MYO3A: variants seen among roughly 807,000 people sequenced by gnomAD.
The protein encoded by MYO3A is myosin-IIIa.
A neutral mutation model predicts 192.7 loss-of-function variants in MYO3A; 180 were observed. The ratio of observed to expected loss-of-function variants is 0.93; its 90% CI spans 0.83 to 1.06. The LOEUF is 1.06. Ranked by LOEUF, MYO3A falls within the 50% of genes least tolerant of loss-of-function variation. The probability of loss-of-function intolerance (pLI) is 0.00; values close to 1 mark genes in which losing one functional copy is unlikely to be tolerated. For missense variants in MYO3A, 1,896 were observed against 1,905.0 expected (o/e 1.00, Z 0.09); for synonymous variants, 628 against 645.3 (o/e 0.97, Z 0.41).
chr10:26,064,710 T>C (rs1209199943), intron 10 of MYO3A, among the ~76,000 whole-genome samples: 30 of 151,948 alleles, frequency 2.0e-4, no homozygotes, highest in Admixed American at 2.0e-3. Flanking sequence ...AATTTGATGA[T>C]AGAGCTGATG....
chr10:25,988,066 T>C (rs116210552), intron 4 of MYO3A, among the ~76,000 whole-genome samples: 1,801 of 152,278 alleles, frequency 0.012, 45 homozygotes, highest in African/African-American at 0.041. Context: ...CTGGATGGAA[T>C]TGGAGACCAT....
intron 4 of MYO3A, among the ~76,000 whole-genome samples, chr10:25,958,908 G>A (rs927197152): frequency 7.9e-5 from 12 of 151,878 alleles, no homozygotes; most frequent in African/African-American, 2.9e-4. Context: ...GTATTCCTAG[G>A]TATTTTATTC....
chr10:26,180,420 C>A lies in MYO3A; in HGVS notation c.4438+3575C>A, dbSNP rs1253949035. On this transcript the variant is annotated intron_variant, in intron 31 of 34. Coordinates refer to ENST00000642920, the MANE Select transcript of MYO3A (RefSeq NM_017433.5). ...ATCTACCTCATAATTAACTATAAAACACTGGAAGCAGTTGCATTAAAAAGG... is the reference window on the plus strand; with the variant it reads ...ATCTACCTCATAATTAACTATAAAAAACTGGAAGCAGTTGCATTAAAAAGG... 2.0e-5 allele frequency among the ~76,000 whole-genome samples: 3 copies of A among 152,062 alleles called. No individual in the cohort carries two copies. In the East Asian group the frequency reaches 5.8e-4, roughly 29 times the overall value.
chr10:25,973,624 A>G (rs1467990533), intron 4 of MYO3A, among the ~76,000 whole-genome samples: 1 of 152,124 alleles, frequency 6.6e-6, no homozygotes, highest in Non-Finnish European at 1.5e-5. Flanking sequence ...GTTGTCATAA[A>G]TGGCTCTTAT....
chr10:25,952,251 A>G lies in MYO3A; in HGVS notation c.141A>G (p.Ala47=). 3 of 1,612,704 alleles carry G rather than the reference A, an allele frequency of 1.9e-6. No homozygotes were observed. Among genetic ancestry groups the G allele is most frequent in the Non-Finnish European group, 2.5e-6 (3 of 1,179,174 alleles). The change falls in exon 3 of 35, where the codon GCA becomes GCG. Residue 47 remains alanine (A), a synonymous_variant. Coordinates refer to ENST00000642920, the MANE Select transcript of MYO3A (RefSeq NM_017433.5). ...KVLNKKNGQK[A]AVKILDPIHD... is the part of the protein sequence containing the mutation. ...TGAATAAGAAAAATGGCCAAAAAGC[A>G]GCAGTCAAAATTCTTGATCCAATTC...
At chr10:26,066,613 A>G (rs1834862520) in intron 10 of MYO3A, among the ~76,000 whole-genome samples, 1 of 152,234 alleles carries the variant, frequency 6.6e-6, no homozygotes, top group Non-Finnish European at 1.5e-5. Context: ...CCAATGACCT[A>G]ACACTATCTC....
chr10:25,954,378 A>G (rs1588651471), intron 3 of MYO3A, among the ~76,000 whole-genome samples: 1 of 152,048 alleles, frequency 6.6e-6, no homozygotes, highest in Non-Finnish European at 1.5e-5. Context: ...GTTTTGTGCA[A>G]TCTTTTATAA....
chr10:26,157,302 T>C lies in MYO3A; in HGVS notation c.2794-8T>C. ...CATTGGGAAATTTATTTTTGTTGTG[T>C]ATTATAGTATTCCCTGATGGATTTG... On this transcript the variant is annotated splice_region_variant and splice_polypyrimidine_tract_variant and intron_variant, in intron 25 of 34. Coordinates refer to ENST00000642920, the MANE Select transcript of MYO3A (RefSeq NM_017433.5). 2 of 1,613,446 alleles carry C rather than the reference T, an allele frequency of 1.2e-6. No homozygotes were observed. The highest frequency in any genetic ancestry group is 8.5e-7 in the Non-Finnish European group (1 of 1,179,380).
chr10:25,937,307 A>G (rs1431593067), intron 2 of MYO3A, among the ~76,000 whole-genome samples: 1 of 152,138 alleles, frequency 6.6e-6, no homozygotes, highest in African/African-American at 2.4e-5. Flanking sequence ...CTTCACTCAT[A>G]TATTTTACCT....
intron 17 of MYO3A, among the ~76,000 whole-genome samples, chr10:26,104,403 G>A (rs1837661865): frequency 6.6e-6 from 1 of 152,046 alleles, no homozygotes; most frequent in Non-Finnish European, 1.5e-5. Context: ...TCATTCCTTT[G>A]CTTCTGGACA....
chr10:26,048,928 A>C (rs1170135468), intron 10 of MYO3A, among the ~76,000 whole-genome samples: 1 of 152,194 alleles, frequency 6.6e-6, no homozygotes, highest in African/African-American at 2.4e-5. Context: ...AGCTCTGGGA[A>C]ACAACAACAT....
intron 6 of MYO3A, among the ~76,000 whole-genome samples, chr10:26,010,869 T>G (rs941191373): frequency 3.9e-5 from 6 of 152,222 alleles, no homozygotes; most frequent in African/African-American, 1.4e-4. Flanking sequence ...GCAAAATGAC[T>G]TGCTGAAGGG....
Position 26,212,233 on chromosome 10 carries a change from A to G in MYO3A, c.*270A>G, listed in dbSNP as rs115859827. On this transcript the variant is annotated 3_prime_UTR_variant, in exon 35 of 35. Coordinates refer to ENST00000642920, the MANE Select transcript of MYO3A (RefSeq NM_017433.5). ...TCTCACCAGCCCGCCAGTTGTGGCA[A>G]CCCTGTCCTTGTTCCCCTAATCTAT... is the stretch of plus-strand genomic sequence containing the variant. 955 of 502,622 alleles carry G rather than the reference A, an allele frequency of 1.9e-3. 16 individuals carry two copies. The highest frequency in any genetic ancestry group is 0.016 in the African/African-American group (835 of 52,126). 31.1% of individuals were successfully genotyped at this position (502,622 alleles called of 1,614,324 possible).
At chr10:26,005,670 T>A (rs147515156) in intron 6 of MYO3A, among the ~76,000 whole-genome samples, 86 of 152,142 alleles carry the variant, frequency 5.7e-4, no homozygotes, top group Non-Finnish European at 9.3e-4. Flanking sequence ...TCTCTAAGGT[T>A]GAAATTATGT....
chr10:25,995,900 T>C (rs543899925), intron 4 of MYO3A, among the ~76,000 whole-genome samples: 1 of 152,348 alleles, frequency 6.6e-6, no homozygotes, highest in South Asian at 2.1e-4. Flanking sequence ...CTGTGAGGTG[T>C]CAGTCTGCCC....
At chr10:26,028,375 G>A (rs897660335) in intron 10 of MYO3A, among the ~76,000 whole-genome samples, 1 of 152,188 alleles carries the variant, frequency 6.6e-6, no homozygotes, top group Non-Finnish European at 1.5e-5. Context: ...ATCCTTGCCT[G>A]TTTGAGTTTA....
At chr10:26,094,518 G>A (rs951608696) in intron 15 of MYO3A, among the ~76,000 whole-genome samples, 3 of 140,440 alleles carry the variant, frequency 2.1e-5, no homozygotes, top group South Asian at 2.3e-4. Context: ...TCTGCCTCCC[G>A]GGTTCATGCC....
At chr10:26,204,950 C>G (rs7913376) in intron 34 of MYO3A, among the ~76,000 whole-genome samples, 3 of 152,034 alleles carry the variant, frequency 2.0e-5, no homozygotes, top group Non-Finnish European at 4.4e-5. Flanking sequence ...AACCAAACAG[C>G]GAAATAGTGC....
intron 17 of MYO3A, among the ~76,000 whole-genome samples, chr10:26,102,595 T>C (rs1837531293): frequency 6.6e-6 from 1 of 152,206 alleles, no homozygotes; most frequent in Non-Finnish European, 1.5e-5. Context: ...GTATGTCCTT[T>C]CTATTTGTTG....
Sources: allele counts gnomAD v4.1 joint callset (sites outside exome capture counted in the v4.1 genomes callset), GRCh38; gene constraint gnomAD v4.1.1; transcripts MANE v1.5; gene names NCBI Gene and HGNC (gene_info 2026-07-23, HGNC 2026-07-21).